Variants in LOC128462377 observed in about 807,000 individuals in gnomAD.
the LOC128462377 span, chr16:89,320,456 T>G: frequency 6.6e-6 from 1 of 152,378 alleles, no homozygotes; most frequent in Non-Finnish European, 1.5e-5. Flanking sequence ...CGCCCTGTGC[T>G]GAGCGGCAAG....
chr16:89,326,915 G>C, the LOC128462377 span, among the ~76,000 whole-genome samples: 2 of 152,332 alleles, frequency 1.3e-5, no homozygotes, highest in African/African-American at 2.4e-5. Context: ...GGACTAAGGA[G>C]GTTCCACAGA....
the LOC128462377 span, among the ~76,000 whole-genome samples, chr16:89,383,652 C>T: frequency 1.3e-5 from 2 of 151,892 alleles, no homozygotes. Context: ...CAGCAGACGT[C>T]GAGCCCCTAC....
chr16:89,415,893 C>CA, the LOC128462377 span, among the ~76,000 whole-genome samples: 2 of 146,430 alleles, frequency 1.4e-5, no homozygotes, highest in African/African-American at 5.0e-5. Context: ...GAGGCCCTCA[C>CA]ATGCCCATGT....
At chr16:89,329,349 T>C in the LOC128462377 span, among the ~76,000 whole-genome samples, 89 of 152,210 alleles carry the variant, frequency 5.8e-4, no homozygotes, top group African/African-American at 2.1e-3. Flanking sequence ...CAAGGGATGC[T>C]GCTATTTTTG....
the LOC128462377 span, among the ~76,000 whole-genome samples, chr16:89,382,337 T>TATATATA: frequency 1.9e-4 from 28 of 149,786 alleles, no homozygotes; most frequent in Middle Eastern, 0.01. Context: ...ATATATATAT[T>TATATATA]TTTTTAAAGA....
chr16:89,391,908 A>C, the LOC128462377 span, among the ~76,000 whole-genome samples: 13 of 152,234 alleles, frequency 8.5e-5, no homozygotes, highest in Admixed American at 4.6e-4. Flanking sequence ...ATTTAGCCTA[A>C]ATATCTGCCC....
chr16:89,374,651 G>A, the LOC128462377 span, among the ~76,000 whole-genome samples: 7 of 152,214 alleles, frequency 4.6e-5, no homozygotes, highest in East Asian at 7.7e-4. Context: ...CGCGTGCTAC[G>A]ATCAGAGGAG....
the LOC128462377 span, among the ~76,000 whole-genome samples, chr16:89,371,924 T>C: frequency 6.6e-6 from 1 of 152,286 alleles, no homozygotes; most frequent in Non-Finnish European, 1.5e-5. Context: ...CTGACTGGCC[T>C]GTTACAGAAC....
chr16:89,332,466 G>A, the LOC128462377 span, among the ~76,000 whole-genome samples: 3 of 152,154 alleles, frequency 2.0e-5, no homozygotes, highest in Non-Finnish European at 4.4e-5. Context: ...GCAGCTCTGG[G>A]GAGAAATGAC....
chr16:89,327,419 G>A, the LOC128462377 span, among the ~76,000 whole-genome samples: 1 of 151,992 alleles, frequency 6.6e-6, no homozygotes, highest in Non-Finnish European at 1.5e-5. Flanking sequence ...AGGAAGAAAT[G>A]GAATAAAACT....
chr16:89,370,495 C>T, the LOC128462377 span, among the ~76,000 whole-genome samples: 46 of 152,276 alleles, frequency 3.0e-4, no homozygotes, highest in African/African-American at 1.1e-3. Flanking sequence ...GAGGCAAATT[C>T]CCCCAACCAA....
the LOC128462377 span, among the ~76,000 whole-genome samples, chr16:89,345,245 GC>G: frequency 2.0e-5 from 3 of 146,892 alleles, no homozygotes; most frequent in Non-Finnish European, 4.5e-5. Context: ...CATATTACAA[GC>G]CCCCCCTCCC....
the LOC128462377 span, among the ~76,000 whole-genome samples, chr16:89,386,520 G>A: frequency 2.0e-5 from 3 of 152,192 alleles, no homozygotes; most frequent in Non-Finnish European, 4.4e-5. Context: ...TGGGGGAAAG[G>A]GGGCTCTTCT....
At chr16:89,411,945 G>A in the LOC128462377 span, among the ~76,000 whole-genome samples, 1 of 145,764 alleles carries the variant, frequency 6.9e-6, no homozygotes, top group African/African-American at 2.6e-5. Flanking sequence ...AGAGTCTCCT[G>A]GCCGTGCCCC....
the LOC128462377 span, among the ~76,000 whole-genome samples, chr16:89,334,932 G>A: frequency 6.6e-6 from 1 of 152,084 alleles, no homozygotes; most frequent in East Asian, 1.9e-4. Flanking sequence ...ATGGTGCTGG[G>A]GGCCAGGCAG....
chr16:89,318,635 C>T, the LOC128462377 span, among the ~76,000 whole-genome samples: 10 of 152,236 alleles, frequency 6.6e-5, no homozygotes, highest in African/African-American at 2.4e-4. Flanking sequence ...CGTTGCATGC[C>T]ACCTGCCCCT....
chr16:89,380,206 A>G, the LOC128462377 span, among the ~76,000 whole-genome samples: 22 of 152,232 alleles, frequency 1.4e-4, no homozygotes, highest in African/African-American at 5.3e-4. Context: ...CCCACTTCAC[A>G]GGTTCAAGCA....
chr16:89,352,839 A>C, the LOC128462377 span, among the ~76,000 whole-genome samples: 1 of 152,298 alleles, frequency 6.6e-6, no homozygotes, highest in African/African-American at 2.4e-5. Flanking sequence ...CAGGGCCCCT[A>C]CCTGCTTTGT....
chr16:89,388,584 G>T, the LOC128462377 span, among the ~76,000 whole-genome samples: 2 of 152,172 alleles, frequency 1.3e-5, no homozygotes, highest in African/African-American at 4.8e-5. Context: ...GTCTCTGACT[G>T]GGAATAAGGA....
Sources: gnomAD v4.1 joint callset for allele counts (sites outside exome capture counted in the v4.1 genomes callset) on GRCh38, gnomAD v4.1.1 for gene constraint, MANE v1.5 for transcripts.